The following ADCY8 variants were observed in gnomAD, a reference collection of about 807,000 sequenced individuals.
ADCY8 encodes adenylate cyclase 8.
ADCY8 carries 51 observed loss-of-function variants against 119.7 expected under a neutral mutation model. That is an observed-to-expected ratio of 0.43 (90% CI 0.34 to 0.54). The LOEUF is 0.54. Ranked by LOEUF, ADCY8 falls within the 20% of genes least tolerant of loss-of-function variation. ADCY8 has a pLI of 0.03. For synonymous variants in ADCY8, 665 were observed against 651.0 expected (o/e 1.02, Z -0.33); for missense variants, 1,383 against 1,598.8 (o/e 0.87, Z 2.30).
At position 131,019,797 on chromosome 8, in the gene ADCY8, T is replaced by TTCTCTC. The variant is rs61010907; in HGVS notation, c.960+19571_960+19576dup. Among the ~76,000 whole-genome samples, 453 of 104,902 alleles carry TTCTCTC rather than the reference T, an allele frequency of 4.3e-3. 1 individual carries two copies. Among genetic ancestry groups the TTCTCTC allele is most frequent in the East Asian group, 0.029 (88 of 3,060 alleles). The allele number at this position is 104,902 out of a possible 152,430, so 68.8% of individuals were successfully genotyped here. A position where few individuals can be genotyped will look rare whatever the true frequency, so the allele number is the denominator to read the frequency against. On this transcript the variant is annotated intron_variant, in intron 1 of 17. Transcript: ENST00000286355. ...AAAACCAGAAAACACATGGAACAAA[T>TTCTCTC]TCTCTCTCTCTCTCTCTCTCTCTCT...
intron 12 of ADCY8, among the ~76,000 whole-genome samples, chr8:130,824,205 A>G (rs1816604092): frequency 6.6e-6 from 1 of 152,092 alleles, no homozygotes; most frequent in Non-Finnish European, 1.5e-5. Context: ...CTCATAATAA[A>G]CCATTCAGCT....
At chr8:130,784,428 C>T (rs1815187366) in intron 16 of ADCY8, among the ~76,000 whole-genome samples, 1 of 152,164 alleles carries the variant, frequency 6.6e-6, no homozygotes, top group Non-Finnish European at 1.5e-5. Flanking sequence ...GCCCTTCCTA[C>T]CTCGTAGGTA....
chr8:130,931,923 A>G (rs1820640924), intron 5 of ADCY8, among the ~76,000 whole-genome samples: 2 of 152,102 alleles, frequency 1.3e-5, no homozygotes, highest in African/African-American at 4.8e-5. Context: ...TTTGGCAGGT[A>G]GTTCACACAT....
At chr8:130,852,139 G>A (rs996344092) in intron 9 of ADCY8, among the ~76,000 whole-genome samples, 4 of 152,158 alleles carry the variant, frequency 2.6e-5, no homozygotes, top group Admixed American at 6.5e-5. Flanking sequence ...CAGCAGGGGG[G>A]ATAAGAAATT....
chr8:130,981,336 T>G (rs1480430604), intron 2 of ADCY8, among the ~76,000 whole-genome samples: 2 of 152,210 alleles, frequency 1.3e-5, no homozygotes, highest in African/African-American at 4.8e-5. Context: ...AATAAGCTAT[T>G]TTAGGCATGG....
At chr8:130,897,788 TCACA>T (rs1046706278) in intron 7 of ADCY8, among the ~76,000 whole-genome samples, 1 of 121,810 alleles carries the variant, frequency 8.2e-6, no homozygotes, top group South Asian at 3.1e-4. Flanking sequence ...TACACACATC[TCACA>T]CACACCATAC....
At chr8:131,008,788 C>A (rs1249772712) in intron 1 of ADCY8, among the ~76,000 whole-genome samples, 1 of 152,032 alleles carries the variant, frequency 6.6e-6, no homozygotes, top group Non-Finnish European at 1.5e-5. Context: ...TGGCTTTGAC[C>A]AAAATTCTGA....
Position 130,927,079 on chromosome 8 carries a change from C to T in ADCY8, c.1481+9994G>A, listed in dbSNP as rs569461027. Among the ~76,000 whole-genome samples the T allele has an allele frequency of 1.1e-4, 16 of 152,202 alleles. 1 individual carries two copies. In the South Asian group the frequency reaches 2.5e-3, roughly 24 times the overall value. ...CATGGGAATGCAGATATTTCTTCAA[C>T]ATACAGATTTCATTTCCTTTGCATA... On this transcript the variant is annotated intron_variant, in intron 5 of 17. Transcript: ENST00000286355.
intron 6 of ADCY8, among the ~76,000 whole-genome samples, chr8:130,908,571 G>T (rs1819865831): frequency 6.6e-6 from 1 of 152,190 alleles, no homozygotes; most frequent in African/African-American, 2.4e-5. Context: ...CTGTGAGGTG[G>T]ATTATGCCAT....
intron 12 of ADCY8, among the ~76,000 whole-genome samples, chr8:130,824,612 G>A (rs564265927): frequency 5.3e-5 from 8 of 152,306 alleles, no homozygotes; most frequent in East Asian, 1.9e-4. Flanking sequence ...ACGAATTCAC[G>A]AAGGTCGTGT....
chr8:131,001,335 C>T (rs868351613), intron 1 of ADCY8, among the ~76,000 whole-genome samples: 12 of 152,110 alleles, frequency 7.9e-5, no homozygotes, highest in South Asian at 2.1e-4. Flanking sequence ...TCCTACTAAA[C>T]GCCTTTGCAC....
chr8:130,952,359 C>T (rs527427850), intron 2 of ADCY8, among the ~76,000 whole-genome samples: 3 of 152,196 alleles, frequency 2.0e-5, no homozygotes, highest in South Asian at 2.1e-4. Context: ...TTGATGACAG[C>T]GATGCATATC....
At chr8:130,827,666 C>T (rs1816709073) in intron 12 of ADCY8, among the ~76,000 whole-genome samples, 1 of 152,090 alleles carries the variant, frequency 6.6e-6, no homozygotes, top group Non-Finnish European at 1.5e-5. Context: ...TGTCTGTGTC[C>T]TAAATTTTCC....
In ADCY8 at chr8:130,990,490, A is replaced by G; in HGVS notation, c.1013T>C (p.Ile338Thr). 6.2e-7 allele frequency: 1 copy of G among 1,614,190 alleles called. No individual in the cohort carries two copies. The highest frequency in any genetic ancestry group is 8.5e-7 in the Non-Finnish European group (1 of 1,180,008). Reference protein sequence around the residue: ...FMCMNTAGIFISYLSDRAQRQ... With the variant: ...FMCMNTAGIFTSYLSDRAQRQ... ...CTGGGCCCGGTCTGACAGGTAACTG[A>G]TGAAGATTCCAGCTGTGTTCATACA... Residue 338 changes from isoleucine to threonine, a missense_variant, in exon 2 of 18, where the codon ATC becomes ACC. Ile to Thr is a moderately conservative substitution (Grantham distance 89, BLOSUM62 -1). Coordinates refer to ENST00000286355, the MANE Select transcript of ADCY8 (RefSeq NM_001115.3).
At chr8:130,897,389 A>G (rs933971824) in intron 7 of ADCY8, among the ~76,000 whole-genome samples, 1 of 152,098 alleles carries the variant, frequency 6.6e-6, no homozygotes, top group African/African-American at 2.4e-5. Context: ...CACTGACTTC[A>G]CATTTCCTTT....
intron 11 of ADCY8, among the ~76,000 whole-genome samples, chr8:130,836,848 C>T (rs1817005030): frequency 1.3e-5 from 2 of 152,278 alleles, no homozygotes; most frequent in Non-Finnish European, 2.9e-5. Context: ...ATTCTCCCAC[C>T]TCAGCTTCCC....
intron 4 of ADCY8, among the ~76,000 whole-genome samples, chr8:130,942,182 A>T (rs1397408251): frequency 2.6e-5 from 4 of 152,128 alleles, no homozygotes; most frequent in Non-Finnish European, 5.9e-5. Context: ...AGCATTTTGT[A>T]TCTGGTTTCT....
intron 1 of ADCY8, among the ~76,000 whole-genome samples, chr8:130,996,825 G>T (rs1563761002): frequency 6.6e-6 from 1 of 152,152 alleles, no homozygotes; most frequent in Non-Finnish European, 1.5e-5. Context: ...AAACCAATCT[G>T]ATACCTTGCT....
At chr8:130,816,807 CAAAG>C (rs1462089372) in intron 13 of ADCY8, among the ~76,000 whole-genome samples, 1 of 151,944 alleles carries the variant, frequency 6.6e-6, no homozygotes, top group Non-Finnish European at 1.5e-5. Flanking sequence ...TATGAAATGA[CAAAG>C]GAAGGGAATG....
Sources: allele counts gnomAD v4.1 joint callset (sites outside exome capture counted in the v4.1 genomes callset), GRCh38; gene constraint gnomAD v4.1.1; transcripts MANE v1.5; gene names NCBI Gene and HGNC (gene_info 2026-07-23, HGNC 2026-07-21).